The following SMARCA4 variants were observed in gnomAD, a reference collection of about 807,000 sequenced individuals.
SMARCA4 encodes SWI/SNF-related matrix-associated actin-dependent regulator of chromatin subfamily A member 4.
In SMARCA4, 31 loss-of-function variants were observed where a neutral mutation model predicts 193.9. The observed-to-expected ratio is 0.16, with a 90% CI of 0.12 to 0.22. The LOEUF is 0.22. Ranked by LOEUF, SMARCA4 falls within the 10% of genes least tolerant of loss-of-function variation. SMARCA4 has a pLI of 1.00. For synonymous variants in SMARCA4, 942 were observed against 933.1 expected, an observed-to-expected ratio of 1.01 and a Z score of -0.17; for missense variants, 1,148 against 2,296.0, an observed-to-expected ratio of 0.50 and a Z score of 10.22.
chr19:11,057,201 G>A (rs755151906), intron 30 of SMARCA4, among the ~76,000 whole-genome samples: 7 of 152,208 alleles, frequency 4.6e-5, no homozygotes, highest in African/African-American at 9.6e-5. Flanking sequence ...TTTGCCATGC[G>A]TTCTCATTTT....
At chr19:11,010,171 G>T (rs1025494462) in intron 14 of SMARCA4, among the ~76,000 whole-genome samples, 2 of 152,150 alleles carry the variant, frequency 1.3e-5, no homozygotes, top group African/African-American at 2.4e-5. Context: ...AGGACCCAGA[G>T]CTCCCAGGAG....
chr19:11,035,087 G>A lies in SMARCA4; in HGVS notation c.4125G>A (p.Lys1375=). 1 of 1,613,178 alleles carries A rather than the reference G, an allele frequency of 6.2e-7. No homozygotes were observed. The highest frequency in any genetic ancestry group is 8.5e-7 in the Non-Finnish European group (1 of 1,179,958). Residue 1375 remains lysine, a synonymous_variant, in exon 29 of 35, where the codon AAG becomes AAA. Coordinates refer to ENST00000344626, the MANE Select transcript of SMARCA4 (RefSeq NM_003072.5). ...KMFGRGSRHR[K]EVDYSDSLTE... The stretch of plus-strand genomic sequence containing the variant: ...TCGGCCGTGGCTCCCGCCACCGCAA[G>A]GAGGTGGACTACAGCGACTCACTGA...
chr19:10,989,809 C>T (rs1600003744), intron 7 of SMARCA4, among the ~76,000 whole-genome samples: 1 of 150,344 alleles, frequency 6.7e-6, no homozygotes. Flanking sequence ...TCAAGCAATT[C>T]TTCTGCTTCA....
In SMARCA4 at chr19:10,987,612, C is replaced by G. The variant is rs1487909519; in HGVS notation, c.860-54C>G. 1.2e-6 allele frequency: 2 copies of G among 1,607,758 alleles called. No individual in the cohort carries two copies. The highest frequency in any genetic ancestry group is 2.7e-5 in the African/African-American group (2 of 74,790). ...AGCTCAGCAGCTTTCCATTTCCAGC[C>G]CGGGATGGGCCCCAGAGCTCAACAT... is the stretch of plus-strand genomic sequence containing the variant. On this transcript the variant is annotated intron_variant, in intron 5 of 34. Coordinates refer to ENST00000344626, the MANE Select transcript of SMARCA4 (RefSeq NM_003072.5). The surrounding 1 kb of genome is among the most constrained non-coding windows in gnomAD (Gnocchi z 5.3).
chr19:11,023,746 A>G, intron 20 of SMARCA4, 115 bp downstream of exon 20: 1 of 731,916 alleles, frequency 1.4e-6, no homozygotes, highest in Non-Finnish European at 2.5e-6. Flanking sequence ...TGGTCAATCC[A>G]GCTTGGGGGT....
chr19:11,041,589 C>A lies in SMARCA4; in HGVS notation c.4424+29C>A, dbSNP rs2146825201. On this transcript the variant is annotated intron_variant, in intron 30 of 34. Transcript: ENST00000344626. This position sits in a 1 kb window ranked among gnomAD's most constrained non-coding sequence, Gnocchi z 5.6. ...AGCGAGGAGGCGGGGAGGGCGGGGG[C>A]TGTAGGGGTCCCCGTGGGAGCAGGC... 1 of 1,605,060 alleles carries A rather than the reference C, an allele frequency of 6.2e-7. No individual in the cohort carries two copies. Among genetic ancestry groups the A allele is most frequent in the South Asian group, 1.1e-5 (1 of 90,854 alleles).
intron 30 of SMARCA4, among the ~76,000 whole-genome samples, chr19:11,042,284 C>T (rs752624177): frequency 1.3e-5 from 2 of 152,180 alleles, no homozygotes; most frequent in African/African-American, 4.8e-5. Context: ...TTTCCGTGAG[C>T]GACTCTATAT....
chr19:11,009,007 CTTTTTTTTTTTTTTTTTT>C lies in SMARCA4; in HGVS notation c.2123+1001_2123+1018del, dbSNP rs762148337. On this transcript the variant is annotated intron_variant, in intron 14 of 34. Coordinates refer to ENST00000344626, the MANE Select transcript of SMARCA4 (RefSeq NM_003072.5). ...AAAAAATGTAGGTGGATAAAAGTCA[CTTTTTTTTTTTTTTTTTT>C]TTTTTTTTTTTTTTTTGAGATAGAG... Among the ~76,000 whole-genome samples the C allele has an allele frequency of 1.2e-3, 51 of 40,960 alleles. No individual in the cohort carries two copies. In the East Asian group the frequency reaches 0.031, roughly 25 times the overall value. The allele number at this position is 40,960 out of a possible 152,430, so 26.9% of individuals were successfully genotyped here.
intron 13 of SMARCA4, among the ~76,000 whole-genome samples, chr19:11,007,330 T>C (rs1201611325): frequency 6.6e-6 from 1 of 150,592 alleles, no homozygotes; most frequent in Non-Finnish European, 1.5e-5. Context: ...CTTGGGAGGT[T>C]GAGGCAGGAG....
chr19:10,971,863 A>G lies in SMARCA4; in HGVS notation c.-32+10689A>G, dbSNP rs188829307. Among the ~76,000 whole-genome samples the G allele has an allele frequency of 2.2e-3, 324 of 148,752 alleles. 3 individuals are homozygous for G. Among genetic ancestry groups the G allele is most frequent in the African/African-American group, 7.8e-3 (313 of 40,262 alleles). ...AATGGTGCGATCTTGGCTCACTCCAACCTCCGCCTCCCGGGTTCAAGCGAT... is the reference window on the plus strand; with the variant it reads ...AATGGTGCGATCTTGGCTCACTCCAGCCTCCGCCTCCCGGGTTCAAGCGAT... On this transcript the variant is annotated intron_variant, in intron 1 of 34. Coordinates refer to ENST00000344626, the MANE Select transcript of SMARCA4 (RefSeq NM_003072.5).
chr19:11,016,425 A>G (rs1265616245), intron 16 of SMARCA4, among the ~76,000 whole-genome samples: 2 of 152,154 alleles, frequency 1.3e-5, no homozygotes, highest in Admixed American at 6.6e-5. Flanking sequence ...AAATAATTAC[A>G]TGAGAGTTGC....
intron 20 of SMARCA4, 46 bp from the exon 21 acceptor site, chr19:11,024,285 C>T (rs2090090736): frequency 7.2e-7 from 1 of 1,382,332 alleles, no homozygotes; most frequent in South Asian, 1.2e-5. Flanking sequence ...GGGAGTCAGG[C>T]CTCAAGCCAC....
intron 24 of SMARCA4, among the ~76,000 whole-genome samples, chr19:11,028,849 A>G (rs1216272214): frequency 6.8e-6 from 1 of 147,284 alleles, no homozygotes; most frequent in Admixed American, 6.7e-5. Context: ...CTGCTGAGAC[A>G]GACACGGCTC....
chr19:11,058,930 A>T lies in SMARCA4; in HGVS notation c.4635+41A>T, dbSNP rs1331195337. 6.6e-7 allele frequency: 1 copy of T among 1,516,238 alleles called. No individual in the cohort carries two copies. The highest frequency in any genetic ancestry group is 2.3e-5 in the East Asian group (1 of 44,332). 93.9% of individuals were successfully genotyped at this position (1,516,238 alleles called of 1,614,324 possible). A position where few individuals can be genotyped will look rare whatever the true frequency, so the allele number is the denominator to read the frequency against. On this transcript the variant is annotated intron_variant, in intron 32 of 34. Coordinates refer to ENST00000344626, the MANE Select transcript of SMARCA4 (RefSeq NM_003072.5). The surrounding 1 kb of genome is among the most constrained non-coding windows in gnomAD (Gnocchi z 5.8). ...GGGGTTGGGGATGGGCCACTCCCAC[A>T]GCTGGGCTTTGACCCAACCCGCCCC...
chr19:11,004,291 C>G (rs2087960940), intron 13 of SMARCA4, among the ~76,000 whole-genome samples: 1 of 151,324 alleles, frequency 6.6e-6, no homozygotes, highest in Admixed American at 6.6e-5. Flanking sequence ...ACTCTATAGC[C>G]CAGGATGGAG....
chr19:11,023,767 C>T, intron 20 of SMARCA4, 136 bp downstream of exon 20: 1 of 706,894 alleles, frequency 1.4e-6, no homozygotes, highest in Non-Finnish European at 2.6e-6. Flanking sequence ...GGCGATGACG[C>T]CACTGGGTCT....
chr19:11,007,883 T>C lies in SMARCA4; in HGVS notation c.2002-19T>C, dbSNP rs111899994. 1,572 of 1,612,990 alleles carry C rather than the reference T, an allele frequency of 9.7e-4. 16 individuals carry two copies. The African/African-American group carries it at 0.019, about 19-fold the overall frequency. ...CTCTGGGGGATGAACTGAGGTGACA[T>C]GGGCTTGTCTCTTGGTAGGAGGAGG... On this transcript the variant is annotated intron_variant, in intron 13 of 34. Transcript: ENST00000344626.
At chr19:11,045,341 G>A (rs2075842846) in intron 30 of SMARCA4, among the ~76,000 whole-genome samples, 1 of 152,054 alleles carries the variant, frequency 6.6e-6, no homozygotes. Flanking sequence ...AGGGCCTACT[G>A]TGTGCCTCCA....
At chr19:11,022,450 G>C (rs1021681068) in intron 19 of SMARCA4, among the ~76,000 whole-genome samples, 7 of 152,200 alleles carry the variant, frequency 4.6e-5, no homozygotes, top group Admixed American at 4.6e-4. Context: ...CAATGTCTGG[G>C]TGGCACCATC....
Sources: allele counts gnomAD v4.1 joint callset (sites outside exome capture counted in the v4.1 genomes callset), GRCh38; gene constraint gnomAD v4.1.1; non-coding constraint Gnocchi (gnomAD v3.1); transcripts MANE v1.5; gene names NCBI Gene and HGNC (gene_info 2026-07-23, HGNC 2026-07-21).